FAM227A: variants seen among roughly 807,000 people sequenced by gnomAD.
FAM227A encodes family with sequence similarity 227 member A.
Under a neutral mutation model 74.7 loss-of-function variants are expected in FAM227A, and 80 were observed. That is an observed-to-expected ratio of 1.07 (90% CI 0.89 to 1.29). FAM227A has a LOEUF of 1.29. Among genes scored for constraint, FAM227A ranks in the 50% most tolerant of loss-of-function variants. FAM227A has a pLI of 0.00. For missense variants in FAM227A, 654 were observed against 683.4 expected, an observed-to-expected ratio of 0.96 and a Z score of 0.48; for synonymous variants, 237 against 241.8, an observed-to-expected ratio of 0.98 and a Z score of 0.19.
intron 9 of FAM227A, among the ~76,000 whole-genome samples, chr22:38,624,038 CAAG>C (rs950633136): frequency 2.0e-5 from 3 of 152,026 alleles, no homozygotes; most frequent in Non-Finnish European, 4.4e-5. Context: ...GGTGCAACGG[CAAG>C]AAGAGAAGAC....
intron 11 of FAM227A, among the ~76,000 whole-genome samples, chr22:38,613,343 ATATAT>A (rs1194234929): frequency 3.9e-3 from 97 of 24,762 alleles, no homozygotes; most frequent in East Asian, 0.012. Flanking sequence ...AATATATAAC[ATATAT>A]TATATAATAT....
intron 1 of FAM227A, among the ~76,000 whole-genome samples, chr22:38,651,002 C>T (rs538372026): frequency 1.3e-5 from 2 of 152,274 alleles, no homozygotes; most frequent in Admixed American, 6.5e-5. Context: ...CTCAAATGCC[C>T]TTTCACCATA....
At chr22:38,613,031 G>T (rs990347085) in intron 11 of FAM227A, among the ~76,000 whole-genome samples, 12 of 117,136 alleles carry the variant, frequency 1.0e-4, no homozygotes, top group African/African-American at 3.7e-4. Flanking sequence ...ATTCTACAAA[G>T]AAATATATTT....
chr22:38,611,751 A>G (rs1399432268), intron 11 of FAM227A, among the ~76,000 whole-genome samples: 1 of 152,050 alleles, frequency 6.6e-6, no homozygotes, highest in Non-Finnish European at 1.5e-5. Context: ...CCTAGTTCCC[A>G]TATTTTGGCT....
intron 13 of FAM227A, among the ~76,000 whole-genome samples, chr22:38,604,445 T>C (rs1045318782): frequency 6.6e-6 from 1 of 152,166 alleles, no homozygotes; most frequent in Non-Finnish European, 1.5e-5. Context: ...CACCCTGTTC[T>C]GGTCCCACTA....
chr22:38,582,904 G>T lies in FAM227A; in HGVS notation c.*3221C>A. 1 of 1,550,518 alleles carries T rather than the reference G, an allele frequency of 6.4e-7. No homozygotes were observed. Among genetic ancestry groups the T allele is most frequent in the Non-Finnish European group, 8.7e-7 (1 of 1,146,986 alleles). ...AGGGAAGGCTCCCAAGATGAGGGAC[G>T]TCTAAGCGGGGTCCTGGAGGAAGAG... On this transcript the variant is annotated 3_prime_UTR_variant, in exon 17 of 17. Transcript: ENST00000535113.
rs1312758487 is a variant in FAM227A at position 38,582,430 on chromosome 22, C to A, written c.*3695G>T. Reference sequence around the variant, plus strand: ...GGAATGACAGAATTAGAATATCATACAATTACTCATTTGCTTTATCCCACA... The same window carrying A: ...GGAATGACAGAATTAGAATATCATAAAATTACTCATTTGCTTTATCCCACA... On this transcript the variant is annotated 3_prime_UTR_variant, in exon 17 of 17. Coordinates refer to ENST00000535113, the MANE Select transcript of FAM227A (RefSeq NM_001013647.2). 1 of 1,548,306 alleles carries A rather than the reference C, an allele frequency of 6.5e-7. No individual in the cohort carries two copies. The highest frequency in any genetic ancestry group is 8.7e-7 in the Non-Finnish European group (1 of 1,145,310).
In FAM227A at chr22:38,597,251, C is replaced by A. The variant is rs772959416; in HGVS notation, c.1485G>T (p.Trp495Cys). 5.2e-6 allele frequency: 8 copies of A among 1,552,212 alleles called. No individual in the cohort carries two copies. In the South Asian group the frequency reaches 9.5e-5, roughly 18 times the overall value. The change falls in exon 15 of 17, where the codon TGG becomes TGT. Residue 495 changes from tryptophan to cysteine, a missense_variant. Coordinates refer to ENST00000535113, the MANE Select transcript of FAM227A (RefSeq NM_001013647.2). ...CCTTTAGATGCTTGTCAAAATAATT[C>A]CATTCAGTCCAATGATGCTGGTACA... ...NQLYQHHWTE[W>C]NYFDKHLKEL...
chr22:38,590,307 T>C (rs963145546), intron 16 of FAM227A, among the ~76,000 whole-genome samples: 19 of 149,928 alleles, frequency 1.3e-4, no homozygotes, highest in African/African-American at 4.7e-4. Flanking sequence ...AAAAAAGATG[T>C]TTTGGATATG....
intron 10 of FAM227A, among the ~76,000 whole-genome samples, chr22:38,622,873 C>CA (rs138871600): frequency 0.019 from 849 of 45,080 alleles, 65 homozygotes; most frequent in East Asian, 0.036. Flanking sequence ...AAGACTGTCT[C>CA]AAAAAAAAAA....
intron 6 of FAM227A, 104 bp downstream of exon 6, chr22:38,636,347 T>C: frequency 1.6e-6 from 2 of 1,261,866 alleles, no homozygotes; most frequent in Non-Finnish European, 2.2e-6. Flanking sequence ...TGCAAGCCTG[T>C]GGCCCTAGGT....
chr22:38,648,841 T>C (rs1271405695), intron 2 of FAM227A, among the ~76,000 whole-genome samples: 1 of 150,718 alleles, frequency 6.6e-6, no homozygotes, highest in Non-Finnish European at 1.5e-5. Flanking sequence ...GACGTGGTGG[T>C]GGGTGCCTGT....
intron 16 of FAM227A, 66 bp from the exon 17 acceptor site, chr22:38,586,265 T>C: frequency 6.6e-7 from 1 of 1,519,388 alleles, no homozygotes; most frequent in Non-Finnish European, 8.9e-7. Context: ...TCAAAGACTT[T>C]GCACGTGAGC....
intron 15 of FAM227A, 48 bp from the exon 16 acceptor site, chr22:38,591,588 C>T (rs752867644): frequency 3.7e-6 from 5 of 1,347,342 alleles, no homozygotes; most frequent in Non-Finnish European, 4.0e-6. Flanking sequence ...GAGTGATTAA[C>T]ATGTCCTCAA....
intron 16 of FAM227A, 101 bp from the exon 17 acceptor site, chr22:38,586,300 T>C (rs2090806958): frequency 7.6e-7 from 1 of 1,314,492 alleles, no homozygotes; most frequent in East Asian, 2.5e-5. Context: ...TGGTGATCCT[T>C]GTGTGCATGG....
intron 3 of FAM227A, among the ~76,000 whole-genome samples, chr22:38,642,592 T>C (rs2092140513): frequency 6.6e-6 from 1 of 152,232 alleles, no homozygotes; most frequent in Non-Finnish European, 1.5e-5. Flanking sequence ...ACAAGTCACA[T>C]ATTAGGAGAA....
chr22:38,620,217 G>A lies in FAM227A; in HGVS notation c.1033C>T (p.Pro345Ser), dbSNP rs1458266736. 1 of 1,550,674 alleles carries A rather than the reference G, an allele frequency of 6.4e-7. No homozygotes were observed. Among genetic ancestry groups the A allele is most frequent in the Middle Eastern group, 1.7e-4 (1 of 5,764 alleles). The stretch of plus-strand genomic sequence containing the variant: ...GTCCGTGCCTCCCCACTTACCTGAG[G>A]GTGGTAGAATTTCCTGCTCTGGGCT... ...KPAQSRKFYH[P>S]QSSSANSPSE... The change falls in exon 11 of 17, where the codon CCT becomes TCT. Residue 345 changes from proline (P) to serine (S), a missense_variant. Pro to Ser is a moderately conservative substitution (Grantham distance 74). Coordinates refer to ENST00000535113, the MANE Select transcript of FAM227A (RefSeq NM_001013647.2).
In FAM227A at chr22:38,599,802, A is replaced by G; in HGVS notation, c.1341T>C (p.Asn447=). The change falls in exon 14 of 17, where the codon AAT becomes AAC. Residue 447 remains asparagine (N), a synonymous_variant. Coordinates refer to ENST00000535113, the MANE Select transcript of FAM227A (RefSeq NM_001013647.2). ...NYASLQQHGK[N]VLIVRREKTT... ...TCTTTTCCCTTCTGACTATCAACAC[A>G]TTCTTGCCGTGCTGCTGCAGACTGG... 6.4e-7 allele frequency: 1 copy of G among 1,551,434 alleles called. No homozygotes were observed.
At chr22:38,607,076 T>C (rs58566154) in intron 12 of FAM227A, among the ~76,000 whole-genome samples, 6,722 of 151,058 alleles carry the variant, frequency 0.044, 245 homozygotes, top group East Asian at 0.11. Context: ...ACTTGGGAGG[T>C]TGAGGCAGGA....
Sources: gnomAD v4.1 joint callset for allele counts (sites outside exome capture counted in the v4.1 genomes callset) on GRCh38, gnomAD v4.1.1 for gene constraint, MANE v1.5 for transcripts, NCBI Gene and HGNC (gene_info 2026-07-23, HGNC 2026-07-21) for gene names.